The following RAB27B variants were observed in gnomAD, a reference collection of about 807,000 sequenced individuals.
RAB27B encodes the protein RAB27B, member RAS oncogene family.
In RAB27B, 15 loss-of-function variants were observed where a neutral mutation model predicts 24.6. That is an observed-to-expected ratio of 0.61 (90% CI 0.41 to 0.94). The LOEUF is 0.94. RAB27B is among the 40% of genes least tolerant of loss of function. The pLI is 0.00. For synonymous variants in RAB27B, 105 were observed against 92.5 expected (o/e 1.14, Z -0.78); for missense variants, 261 against 266.8 (o/e 0.98, Z 0.15).
intron 1 of RAB27B, among the ~76,000 whole-genome samples, chr18:54,867,692 G>T (rs1324165359): frequency 6.6e-6 from 1 of 152,030 alleles, no homozygotes; most frequent in African/African-American, 2.4e-5. Context: ...TGATTCGCCT[G>T]CCTCAGCCTC....
At position 54,894,119 on chromosome 18, in the gene RAB27B, C is replaced by A. The variant is rs1913478044; in HGVS notation, c.*4706C>A. On this transcript the variant is annotated 3_prime_UTR_variant, in exon 6 of 6. Coordinates refer to ENST00000262094, the MANE Select transcript of RAB27B (RefSeq NM_004163.4). ...TGATTAGTTTTTCAAGGCGTACCAT[C>A]ACAAAGATGCTTTCCTGCAGAGTTC... The A allele has an allele frequency of 6.6e-6, 1 of 151,906 alleles. No homozygotes were observed. The highest frequency in any genetic ancestry group is 6.6e-5 in the Admixed American group (1 of 15,230). The allele number at this position is 151,906 out of a possible 1,614,324, so 9.4% of individuals were successfully genotyped here. A position where few individuals can be genotyped will look rare whatever the true frequency, so the allele number is the denominator to read the frequency against.
intron 1 of RAB27B, among the ~76,000 whole-genome samples, chr18:54,843,028 C>T (rs1231695617): frequency 6.6e-6 from 1 of 152,132 alleles, no homozygotes; most frequent in Non-Finnish European, 1.5e-5. Flanking sequence ...CATGTCCTGA[C>T]CTCATGATCC....
At chr18:54,718,394 G>C (rs1412335378) in intron 2 of RAB27B, among the ~76,000 whole-genome samples, 1 of 152,176 alleles carries the variant, frequency 6.6e-6, no homozygotes, top group Non-Finnish European at 1.5e-5. Context: ...GAATGGGAAA[G>C]AGATTTTGCT....
intron 1 of RAB27B, among the ~76,000 whole-genome samples, chr18:54,850,187 CAG>C (rs1339300950): frequency 2.0e-5 from 3 of 151,628 alleles, no homozygotes; most frequent in Non-Finnish European, 4.4e-5. Flanking sequence ...AAACATTTAA[CAG>C]AGTTTGTCTA....
chr18:54,856,696 T>TA (rs927774605), intron 1 of RAB27B, among the ~76,000 whole-genome samples: 1 of 152,216 alleles, frequency 6.6e-6, no homozygotes, highest in Non-Finnish European at 1.5e-5. Flanking sequence ...TTTCAGCTGT[T>TA]ACAGTGGTCT....
intron 2 of RAB27B, among the ~76,000 whole-genome samples, chr18:54,734,971 T>A (rs1378269284): frequency 8.5e-5 from 13 of 152,160 alleles, no homozygotes; most frequent in Admixed American, 2.0e-4. Flanking sequence ...CATTAATTAA[T>A]AAGAACTAGA....
At chr18:54,883,570 A>G (rs1046581339) in intron 3 of RAB27B, among the ~76,000 whole-genome samples, 18 of 152,034 alleles carry the variant, frequency 1.2e-4, no homozygotes, top group African/African-American at 4.3e-4. Context: ...TTCACTGAAG[A>G]TGGTTGGTGG....
At chr18:54,756,373 T>C (rs1452465057) in intron 2 of RAB27B, among the ~76,000 whole-genome samples, 1 of 152,162 alleles carries the variant, frequency 6.6e-6, no homozygotes, top group East Asian at 1.9e-4. Context: ...TAATTAGGTC[T>C]CCCACATTAT....
chr18:54,879,475 T>C (rs367952443), intron 3 of RAB27B, 21 bp downstream of exon 3: 96 of 1,579,758 alleles, frequency 6.1e-5, no homozygotes, highest in Middle Eastern at 1.7e-4. Flanking sequence ...ATTGCTTTAT[T>C]TGTGGCTACA....
intron 2 of RAB27B, among the ~76,000 whole-genome samples, chr18:54,814,266 A>G (rs1424652518): frequency 6.6e-6 from 1 of 152,214 alleles, no homozygotes; most frequent in Non-Finnish European, 1.5e-5. Context: ...TTGCCATTGC[A>G]CTGGGAAAGC....
intron 2 of RAB27B, among the ~76,000 whole-genome samples, chr18:54,778,721 C>G (rs2145085271): frequency 6.6e-6 from 1 of 152,294 alleles, no homozygotes; most frequent in East Asian, 1.9e-4. Context: ...CATTCTTCTT[C>G]CAATAAAAAT....
chr18:54,810,875 A>C (rs1269686383), intron 2 of RAB27B, among the ~76,000 whole-genome samples: 7 of 149,934 alleles, frequency 4.7e-5, no homozygotes, highest in African/African-American at 1.5e-4. Context: ...TAAATAAATA[A>C]ATAAATAAGA....
intron 1 of RAB27B, among the ~76,000 whole-genome samples, chr18:54,866,769 C>T (rs955354409): frequency 2.0e-5 from 3 of 152,174 alleles, no homozygotes; most frequent in Non-Finnish European, 2.9e-5. Flanking sequence ...ATCATTCTGG[C>T]ACTGGGAGCC....
intron 2 of RAB27B, among the ~76,000 whole-genome samples, chr18:54,742,891 A>G (rs532544301): frequency 4.6e-5 from 7 of 152,342 alleles, no homozygotes; most frequent in Non-Finnish European, 1.0e-4. Context: ...CAAATTTTGC[A>G]TCTATGTCAA....
intron 1 of RAB27B, among the ~76,000 whole-genome samples, chr18:54,833,658 AAG>A (rs1910781720): frequency 1.3e-5 from 2 of 152,216 alleles, no homozygotes; most frequent in African/African-American, 4.8e-5. Context: ...TTAAATGAGA[AAG>A]ACTAATGGCA....
chr18:54,764,642 C>A (rs1240725463), intron 2 of RAB27B, among the ~76,000 whole-genome samples: 2 of 151,556 alleles, frequency 1.3e-5, no homozygotes, highest in African/African-American at 4.8e-5. Context: ...CTCCACCAAT[C>A]CTATTCTCTC....
intron 1 of RAB27B, among the ~76,000 whole-genome samples, chr18:54,830,918 C>T (rs899183041): frequency 6.6e-6 from 1 of 152,098 alleles, no homozygotes; most frequent in African/African-American, 2.4e-5. Context: ...AACAACTGCT[C>T]AATATATTGA....
At chr18:54,849,730 A>G (rs139458890) in intron 1 of RAB27B, among the ~76,000 whole-genome samples, 1,832 of 152,238 alleles carry the variant, frequency 0.012, 36 homozygotes, top group African/African-American at 0.042. Flanking sequence ...CAAAACAAAC[A>G]AACAAAAAGA....
At chr18:54,874,835 C>T (rs1912627779) in intron 1 of RAB27B, among the ~76,000 whole-genome samples, 1 of 152,144 alleles carries the variant, frequency 6.6e-6, no homozygotes, top group Non-Finnish European at 1.5e-5. Context: ...CAAACATTAT[C>T]ACCCTCCAAA....
Sources: gnomAD v4.1 joint callset for allele counts (sites outside exome capture counted in the v4.1 genomes callset) on GRCh38, gnomAD v4.1.1 for gene constraint, MANE v1.5 for transcripts, NCBI Gene and HGNC (gene_info 2026-07-23, HGNC 2026-07-21) for gene names.